Variants in LRIT3 observed in about 807,000 individuals in gnomAD.
The protein encoded by LRIT3 is leucine-rich repeat, immunoglobulin-like domain and transmembrane domain-containing protein 3.
Under a neutral mutation model 22.6 loss-of-function variants are expected in LRIT3, and 14 were observed. That is an observed-to-expected ratio of 0.62 (90% CI 0.41 to 0.97). LRIT3 has a LOEUF of 0.97. LRIT3 is among the 50% of genes least tolerant of loss of function. LRIT3 has a pLI of 0.00. For synonymous variants in LRIT3, 306 were observed against 304.5 expected (o/e 1.01, Z -0.05); for missense variants, 783 against 803.0 (o/e 0.98, Z 0.30).
At chr4:109,852,801 A>G (rs769729303) in intron 2 of LRIT3, among the ~76,000 whole-genome samples, 2 of 151,378 alleles carry the variant, frequency 1.3e-5, no homozygotes, top group South Asian at 2.1e-4. Flanking sequence ...ATGTGTTCTC[A>G]TTTTTCAACT....
chr4:109,850,373 TCCTTCCTTCCTTCCTTCCTTCCTTC>T (rs1734187017), intron 1 of LRIT3, among the ~76,000 whole-genome samples: 1 of 492 alleles, frequency 2.0e-3, no homozygotes. Flanking sequence ...CTTCCTTCCT[TCCTTCCTTCCTTCCTTCCTTCCTTC>T]CTTCCTTCCT....
rs538101562 is a variant in LRIT3 at position 109,867,784 on chromosome 4, C to G, written c.733C>G (p.Arg245Gly). The change falls in exon 3 of 4, where the codon CGG (arginine) becomes GGG (glycine). Residue 245 changes from arginine (R) to glycine (G), a missense_variant. Arg to Gly is a moderately radical substitution (Grantham distance 125, BLOSUM62 -2). Transcript: ENST00000594814. The stretch of plus-strand genomic sequence containing the variant: ...GCGCCTCACAGGAATTTTGTTTCAG[C>G]GGGCTGAATTGGAGCATTGTCTGAA... The part of the protein sequence containing the change: ...PERLTGILFQ[R>G]AELEHCLKPS... 3.1e-6 allele frequency: 5 copies of G among 1,614,152 alleles called. No individual in the cohort carries two copies. In the East Asian group the frequency reaches 1.1e-4, roughly 36 times the overall value.
At chr4:109,855,081 C>T (rs1294533291) in intron 2 of LRIT3, among the ~76,000 whole-genome samples, 1 of 152,004 alleles carries the variant, frequency 6.6e-6, no homozygotes. Flanking sequence ...TGATGCTGGC[C>T]TCATAAAATG....
chr4:109,858,079 G>A (rs752623376), intron 2 of LRIT3, among the ~76,000 whole-genome samples: 48 of 152,254 alleles, frequency 3.2e-4, no homozygotes, highest in Non-Finnish European at 6.0e-4. Context: ...ATTGAAAGGG[G>A]TTCCTTCTTC....
At chr4:109,853,155 C>T (rs1734314603) in intron 2 of LRIT3, among the ~76,000 whole-genome samples, 1 of 152,166 alleles carries the variant, frequency 6.6e-6, no homozygotes, top group Admixed American at 6.5e-5. Context: ...GAGGAATTGC[C>T]ACACTGTCTT....
Position 109,870,741 on chromosome 4 carries a change from T to C in LRIT3, c.1992T>C (p.Ser664=). Reference sequence around the variant, plus strand: ...TTTGTTCTAGGTCAAGTGTGGAATCTCAGGTGACTTTTAAAAGTGAAGGTT... The same window carrying C: ...TTTGTTCTAGGTCAAGTGTGGAATCCCAGGTGACTTTTAAAAGTGAAGGTT... ...LLLCSRSSVE[S]QVTFKSEGSR... The change falls in exon 4 of 4, where the codon TCT becomes TCC. Residue 664 remains serine (S), a synonymous_variant. Coordinates refer to ENST00000594814, the MANE Select transcript of LRIT3 (RefSeq NM_198506.5). 6.2e-7 allele frequency: 1 copy of C among 1,612,712 alleles called. No individual in the cohort carries two copies. The highest frequency in any genetic ancestry group is 8.5e-7 in the Non-Finnish European group (1 of 1,179,494).
At position 109,869,889 on chromosome 4, in the gene LRIT3, T is replaced by A. The variant is rs532945434; in HGVS notation, c.1140T>A (p.Ser380=). 6.2e-7 allele frequency: 1 copy of A among 1,614,180 alleles called. No homozygotes were observed. Among genetic ancestry groups the A allele is most frequent in the African/African-American group, 1.3e-5 (1 of 75,048 alleles). The change falls in exon 4 of 4, where the codon TCT becomes TCA. Residue 380 remains serine (S), a synonymous_variant. Transcript: ENST00000594814. The part of the protein sequence containing the change: ...QPGSGRSTSV[S]SASSYLWSSS... ...GATCTGGAAGATCTACATCTGTATC[T>A]AGCGCATCATCATATCTTTGGTCCT...
chr4:109,859,672 AG>A (rs1311207399), intron 2 of LRIT3, among the ~76,000 whole-genome samples: 1 of 152,170 alleles, frequency 6.6e-6, no homozygotes, highest in Non-Finnish European at 1.5e-5. Context: ...ATCCGTTTAT[AG>A]GCTCTCCACA....
chr4:109,858,389 A>G (rs879602467), intron 2 of LRIT3, among the ~76,000 whole-genome samples: 3 of 151,906 alleles, frequency 2.0e-5, no homozygotes, highest in Admixed American at 2.0e-4. Flanking sequence ...TTCTTTTTTG[A>G]CAATTGGATG....
rs1734773759 is a variant in LRIT3 at position 109,869,711 on chromosome 4, A to G, written c.962A>G (p.Lys321Arg). Residue 321 changes from lysine to arginine, a missense_variant, in exon 4 of 4, where the codon AAA becomes AGA. Physicochemically the swap from Lys to Arg is conservative, Grantham distance 26 (BLOSUM62 2). This residue lies in a region of LRIT3 where 756 missense variants were observed against 753.8 expected (regional missense o/e 1.00). Coordinates refer to ENST00000594814, the MANE Select transcript of LRIT3 (RefSeq NM_198506.5). Reference sequence around the variant, plus strand: ...ATGAGCTTGACAGGCATTTCTTCCAAAGACGCTGGGGATTACAAATGTAAG... The same window carrying G: ...ATGAGCTTGACAGGCATTTCTTCCAGAGACGCTGGGGATTACAAATGTAAG... ...SIMSLTGISSKDAGDYKCKAK... is the reference protein window; with the variant it reads ...SIMSLTGISSRDAGDYKCKAK... The G allele has an allele frequency of 6.2e-7, 1 of 1,604,906 alleles. No homozygotes were observed. Among genetic ancestry groups the G allele is most frequent in the Non-Finnish European group, 8.5e-7 (1 of 1,175,242 alleles).
intron 1 of LRIT3, among the ~76,000 whole-genome samples, chr4:109,850,288 C>A (rs1274087904): frequency 1.3e-5 from 2 of 151,632 alleles, no homozygotes; most frequent in African/African-American, 4.9e-5. Flanking sequence ...AAGTCTTTTT[C>A]CAGGCTAAAA....
intron 2 of LRIT3, chr4:109,865,350 A>C (rs1734651359): frequency 1.3e-6 from 2 of 1,541,290 alleles, no homozygotes; most frequent in Admixed American, 3.4e-5. Flanking sequence ...ATATCAGGTC[A>C]ACTAATACGT....
intron 2 of LRIT3, among the ~76,000 whole-genome samples, chr4:109,854,603 C>T (rs182041921): frequency 1.3e-5 from 2 of 152,152 alleles, no homozygotes; most frequent in African/African-American, 4.8e-5. Flanking sequence ...GCTTCCAATA[C>T]TGTGTTGAAT....
intron 2 of LRIT3, among the ~76,000 whole-genome samples, chr4:109,853,402 A>G (rs2190908): frequency 0.61 from 92,486 of 152,006 alleles, 28,523 homozygotes; most frequent in Non-Finnish European, 0.65. Flanking sequence ...GTGTCTGTTC[A>G]TATCCTCTGC....
At chr4:109,863,655 T>A (rs1204970699) in intron 2 of LRIT3, among the ~76,000 whole-genome samples, 2 of 152,324 alleles carry the variant, frequency 1.3e-5, no homozygotes, top group East Asian at 3.9e-4. Context: ...CTACCCAGTA[T>A]AATAAAGATG....
rs1172085810 is a variant in LRIT3, at chr4:109,867,883, A to G, written c.832A>G (p.Thr278Ala). Residue 278 changes from threonine to alanine, a missense_variant, in exon 3 of 4, where the codon ACT becomes GCT. Thr to Ala is a moderately conservative substitution (Grantham distance 58). Around this residue, in one of 2 missense-constraint regions of LRIT3, gnomAD observed 756 missense variants for 753.8 expected, o/e 1.00. Transcript: ENST00000594814. ...GSNVLLRCDA[T>A]GFPTPQITWT... ...TAATGTTCTACTGCGGTGTGATGCC[A>G]CTGGCTTCCCCACCCCACAGATCAC... 6.2e-7 allele frequency: 1 copy of G among 1,613,866 alleles called. No homozygotes were observed. Among genetic ancestry groups the G allele is most frequent in the East Asian group, 2.2e-5 (1 of 44,894 alleles).
chr4:109,855,343 A>G (rs1488873107), intron 2 of LRIT3, among the ~76,000 whole-genome samples: 1 of 152,132 alleles, frequency 6.6e-6, no homozygotes, highest in East Asian at 1.9e-4. Context: ...TGTTTATAGT[A>G]TTCTCTGATG....
intron 1 of LRIT3, among the ~76,000 whole-genome samples, chr4:109,848,781 G>A (rs1383519457): frequency 6.6e-6 from 1 of 152,188 alleles, no homozygotes; most frequent in Non-Finnish European, 1.5e-5. Flanking sequence ...CAAGAGTGAA[G>A]TTAGAGAGGT....
rs760839576 is a variant in LRIT3, at chr4:109,851,932, C to T, written c.545C>T (p.Thr182Ile). ...GAGAGCTGGACTCATTTAGTTTCAACACCTTCTGGAGTCCTGGACCTTTCC... is the reference window on the plus strand; with the variant it reads ...GAGAGCTGGACTCATTTAGTTTCAATACCTTCTGGAGTCCTGGACCTTTCC... Reference protein sequence around the residue: ...FLESWTHLVSTPSGVLDLSPS... With the variant: ...FLESWTHLVSIPSGVLDLSPS... Residue 182 changes from threonine to isoleucine, a missense_variant, in exon 2 of 4, where the codon ACA becomes ATA. By Grantham distance (89) the Thr-to-Ile change is moderately conservative. Transcript: ENST00000594814. The T allele has an allele frequency of 1.9e-6, 3 of 1,551,566 alleles. No individual in the cohort carries two copies. The South Asian group carries it at 3.6e-5, about 18-fold the overall frequency.
Sources: allele counts gnomAD v4.1 joint callset (sites outside exome capture counted in the v4.1 genomes callset), GRCh38; gene constraint gnomAD v4.1.1; regional missense constraint gnomAD v4.1.1; transcripts MANE v1.5; gene names NCBI Gene and HGNC (gene_info 2026-07-23, HGNC 2026-07-21).